UGT1A7: variants seen among roughly 807,000 people sequenced by gnomAD.
UGT1A7 encodes UDP glucuronosyltransferase family 1 member A7, also known as UDP-glucuronosyltransferase 1A7.
Under a neutral mutation model 45.6 loss-of-function variants are expected in UGT1A7, and 33 were observed. That is an observed-to-expected ratio of 0.72 (90% CI 0.55 to 0.97). The LOEUF (loss-of-function observed/expected upper bound fraction) is 0.97. Among genes scored for constraint, UGT1A7 ranks in the 50% least tolerant of loss-of-function variants. The pLI, the probability that UGT1A7 is intolerant of heterozygous loss-of-function variation, is 0.00. For missense variants in UGT1A7, 684 were observed against 666.2 expected, an observed-to-expected ratio of 1.03 and a Z score of -0.29; for synonymous variants, 274 against 250.6, an observed-to-expected ratio of 1.09 and a Z score of -0.88.
intron 1 of UGT1A7, chr2:233,743,960 G>A (rs745723342): frequency 3.1e-5 from 42 of 1,334,096 alleles, no homozygotes; most frequent in South Asian, 3.6e-5. Flanking sequence ...CACAGCGAGC[G>A]GCAAGGCTGC....
intron 1 of UGT1A7, among the ~76,000 whole-genome samples, chr2:233,726,490 A>G (rs1018166677): frequency 6.6e-6 from 1 of 151,932 alleles, no homozygotes; most frequent in Non-Finnish European, 1.5e-5. Flanking sequence ...CTTTTTCCTT[A>G]TTAATTTTGG....
At chr2:233,693,135 A>G (rs879171045) in intron 1 of UGT1A7, 1 of 1,614,148 alleles carries the variant, frequency 6.2e-7, no homozygotes, top group South Asian at 1.1e-5. Flanking sequence ...AGTATGAAGG[A>G]TATAGTTGAG....
At chr2:233,761,193 A>C (rs764178788) in intron 1 of UGT1A7, 1 of 1,614,148 alleles carries the variant, frequency 6.2e-7, no homozygotes, top group Non-Finnish European at 8.5e-7. Flanking sequence ...ATATTCTTTC[A>C]GATGTATTAC....
At chr2:233,718,710 T>C in intron 1 of UGT1A7, 1 of 1,606,198 alleles carries the variant, frequency 6.2e-7, no homozygotes, top group Admixed American at 1.7e-5. Flanking sequence ...TGTCTTCCAA[T>C]TACATGCTGA....
chr2:233,724,204 T>C (rs1288091131), intron 1 of UGT1A7, among the ~76,000 whole-genome samples: 2 of 103,218 alleles, frequency 1.9e-5, no homozygotes, highest in South Asian at 3.6e-4. Context: ...CTGGCCGGGC[T>C]GAGGGGCTCC....
At chr2:233,728,228 C>T (rs1162428400) in intron 1 of UGT1A7, among the ~76,000 whole-genome samples, 1 of 152,188 alleles carries the variant, frequency 6.6e-6, no homozygotes. Flanking sequence ...CCATAATCTT[C>T]AGGATGAAAT....
chr2:233,724,947 G>A (rs941284896), intron 1 of UGT1A7, among the ~76,000 whole-genome samples: 4 of 144,674 alleles, frequency 2.8e-5, no homozygotes, highest in East Asian at 4.2e-4. Flanking sequence ...CTGCAATCCC[G>A]GCACCTCGGG....
At chr2:233,761,066 T>G in intron 1 of UGT1A7, 1 of 1,614,188 alleles carries the variant, frequency 6.2e-7, no homozygotes, top group Non-Finnish European at 8.5e-7. Context: ...AGAAGTGACT[T>G]TGTGAAGGAT....
At chr2:233,740,329 G>C (rs1400491740) in intron 1 of UGT1A7, among the ~76,000 whole-genome samples, 1 of 151,932 alleles carries the variant, frequency 6.6e-6, no homozygotes, top group Admixed American at 6.5e-5. Context: ...TGCATTTATT[G>C]AGAAAGTTGA....
chr2:233,716,275 C>T (rs1026616764), intron 1 of UGT1A7, among the ~76,000 whole-genome samples: 2 of 152,138 alleles, frequency 1.3e-5, no homozygotes, highest in African/African-American at 2.4e-5. Flanking sequence ...ATGTCAAAAC[C>T]CTTAATATAA....
chr2:233,726,601 T>G (rs1416735332), intron 1 of UGT1A7, among the ~76,000 whole-genome samples: 18 of 152,204 alleles, frequency 1.2e-4, no homozygotes, highest in African/African-American at 4.3e-4. Context: ...CCCTTGTGAT[T>G]ACACTGTCCT....
chr2:233,736,460 A>G (rs1342574700), intron 1 of UGT1A7, among the ~76,000 whole-genome samples: 1 of 152,154 alleles, frequency 6.6e-6, no homozygotes, highest in Non-Finnish European at 1.5e-5. Context: ...TCGAACATGC[A>G]CTTTTAGCTT....
rs1159047004 is a variant in UGT1A7, at chr2:233,755,329, C to T, written c.856-11705C>T. ...CAGCGAGCGGCAAGGCTGCCAGCAC[C>T]CGCGCACAGGTCAGAGGCTTGGCGA... On this transcript the variant is annotated intron_variant, in intron 1 of 4. Coordinates refer to ENST00000373426, the MANE Select transcript of UGT1A7 (RefSeq NM_019077.3). The T allele has an allele frequency of 1.7e-5, 8 of 468,526 alleles. No individual in the cohort carries two copies. The Admixed American group carries it at 2.8e-4, about 16-fold the overall frequency. 29.0% of individuals were successfully genotyped at this position (468,526 alleles called of 1,614,324 possible).
In UGT1A7 at chr2:233,700,131, GCTGTTTGTCTCC is replaced by G. The variant is rs1446119494; in HGVS notation, c.855+17342_855+17353del. On this transcript the variant is annotated intron_variant, in intron 1 of 4. Coordinates refer to ENST00000373426, the MANE Select transcript of UGT1A7 (RefSeq NM_019077.3). ...CAAGGATCCTGTGCCCACCCTCTGA[GCTGTTTGTCTCC>G]CTATAGGGGTCTTTACAAGGAATGC... 7.9e-5 allele frequency among the ~76,000 whole-genome samples: 12 copies of G among 152,312 alleles called. No individual in the cohort carries two copies. In the East Asian group the frequency reaches 2.3e-3, roughly 29 times the overall value.
intron 1 of UGT1A7, chr2:233,713,516 CAT>C (rs762930324): frequency 6.2e-7 from 1 of 1,613,934 alleles, no homozygotes; most frequent in South Asian, 1.1e-5. Context: ...TCTTGAGGAA[CAT>C]TCCATGTGAT....
At chr2:233,757,267 A>G (rs1696460945) in intron 1 of UGT1A7, among the ~76,000 whole-genome samples, 1 of 121,202 alleles carries the variant, frequency 8.3e-6, no homozygotes, top group Admixed American at 1.0e-4. Flanking sequence ...GTGGCAGCCG[A>G]TGCAATGATT....
intron 1 of UGT1A7, chr2:233,742,608 G>A (rs540595235): frequency 6.6e-6 from 1 of 152,040 alleles, no homozygotes; most frequent in South Asian, 2.1e-4. Context: ...CATAGTTGGA[G>A]AACCACGTTC....
intron 1 of UGT1A7, chr2:233,756,408 G>C (rs1234137074): frequency 1.3e-5 from 2 of 151,750 alleles, no homozygotes; most frequent in Non-Finnish European, 2.9e-5. Flanking sequence ...TTTTTTATTT[G>C]TATTATTTGT....
At chr2:233,766,327 G>T (rs373926451) in intron 1 of UGT1A7, among the ~76,000 whole-genome samples, 1 of 152,130 alleles carries the variant, frequency 6.6e-6, no homozygotes, top group Admixed American at 6.5e-5. Flanking sequence ...CAAACTCCGC[G>T]TTGTTCTGCT....
Sources: allele counts gnomAD v4.1 joint callset (sites outside exome capture counted in the v4.1 genomes callset), GRCh38; gene constraint gnomAD v4.1.1; transcripts MANE v1.5; gene names NCBI Gene and HGNC (gene_info 2026-07-23, HGNC 2026-07-21).